RAPGEF5: variants seen among roughly 807,000 people sequenced by gnomAD.
The protein encoded by RAPGEF5 is M-Ras-regulated GEF.
A neutral mutation model predicts 125.2 loss-of-function variants in RAPGEF5; 65 were observed. That is an observed-to-expected ratio of 0.52 (90% CI 0.43 to 0.64). The LOEUF is 0.64. RAPGEF5 is among the 30% of genes least tolerant of loss of function. The pLI, the probability that RAPGEF5 is intolerant of heterozygous loss-of-function variation, is 0.00. For synonymous variants in RAPGEF5, 391 were observed against 385.9 expected, an observed-to-expected ratio of 1.01 and a Z score of -0.16; for missense variants, 958 against 1,048.1, an observed-to-expected ratio of 0.91 and a Z score of 1.19.
intron 1 of RAPGEF5, among the ~76,000 whole-genome samples, chr7:22,323,998 T>C (rs1783765837): frequency 6.6e-6 from 1 of 152,102 alleles, no homozygotes; most frequent in African/African-American, 2.4e-5. Context: ...GACAAACCTA[T>C]GATGAGACAT....
At chr7:22,346,819 A>T (rs918941591) in intron 1 of RAPGEF5, among the ~76,000 whole-genome samples, 1 of 152,200 alleles carries the variant, frequency 6.6e-6, no homozygotes, top group Non-Finnish European at 1.5e-5. Context: ...TATTTTCTCT[A>T]CAGATAATAC....
At chr7:22,200,711 G>A (rs1326204681) in intron 9 of RAPGEF5, among the ~76,000 whole-genome samples, 1 of 152,100 alleles carries the variant, frequency 6.6e-6, no homozygotes, top group Non-Finnish European at 1.5e-5. Flanking sequence ...CTGGCTACTA[G>A]AGAAAAACTG....
intron 3 of RAPGEF5, 57 bp from the exon 4 acceptor site, chr7:22,310,147 AAAC>A: frequency 1.1e-5 from 15 of 1,425,876 alleles, no homozygotes; most frequent in Middle Eastern, 1.8e-4. Flanking sequence ...TTTGCCAAAA[AAAC>A]AAAAATGATA....
At chr7:22,123,450 A>C (rs1782644539) in intron 25 of RAPGEF5, among the ~76,000 whole-genome samples, 2 of 152,232 alleles carry the variant, frequency 1.3e-5, no homozygotes, top group Admixed American at 1.3e-4. Context: ...TGCTTTGTAG[A>C]TTATGCATGG....
chr7:22,241,459 C>A (rs1019973533), intron 7 of RAPGEF5, among the ~76,000 whole-genome samples: 5 of 152,112 alleles, frequency 3.3e-5, no homozygotes, highest in Non-Finnish European at 7.3e-5. Flanking sequence ...TTGCCTTAAC[C>A]CCCATCAAAA....
chr7:22,263,757 A>G (rs531916958), intron 7 of RAPGEF5, among the ~76,000 whole-genome samples: 9 of 151,946 alleles, frequency 5.9e-5, no homozygotes, highest in South Asian at 2.1e-4. Flanking sequence ...AAAAAAAGAA[A>G]AAGAAAAAAG....
intron 7 of RAPGEF5, among the ~76,000 whole-genome samples, chr7:22,260,425 T>G (rs562681886): frequency 2.9e-4 from 43 of 150,566 alleles, no homozygotes; most frequent in African/African-American, 1.0e-3. Flanking sequence ...TCAATTTTGC[T>G]ATGAACCTAA....
chr7:22,287,670 G>T (rs747100751), intron 6 of RAPGEF5, among the ~76,000 whole-genome samples: 4 of 152,106 alleles, frequency 2.6e-5, no homozygotes, highest in Non-Finnish European at 4.4e-5. Flanking sequence ...CAGTAGATGA[G>T]AACTGTTCCC....
intron 7 of RAPGEF5, among the ~76,000 whole-genome samples, chr7:22,252,330 C>T (rs963282785): frequency 6.6e-6 from 1 of 152,206 alleles, no homozygotes. Flanking sequence ...TAGGAACAAG[C>T]TTCCACTTAC....
intron 9 of RAPGEF5, among the ~76,000 whole-genome samples, chr7:22,212,790 G>A (rs532220466): frequency 1.3e-5 from 2 of 152,282 alleles, no homozygotes; most frequent in Admixed American, 1.3e-4. Flanking sequence ...CTTGATGGGG[G>A]TAGAGAAGAA....
chr7:22,229,182 C>T (rs1296607654), intron 8 of RAPGEF5, among the ~76,000 whole-genome samples: 1 of 152,120 alleles, frequency 6.6e-6, no homozygotes, highest in Non-Finnish European at 1.5e-5. Flanking sequence ...CATGTGACAG[C>T]ATTAAAACAG....
intron 6 of RAPGEF5, among the ~76,000 whole-genome samples, chr7:22,289,563 G>A (rs1782882394): frequency 1.3e-5 from 2 of 152,250 alleles, no homozygotes; most frequent in Admixed American, 1.3e-4. Context: ...TTTTTAAACA[G>A]ATGGCTAATT....
intron 22 of RAPGEF5, 96 bp from the exon 23 acceptor site, chr7:22,136,221 AGATATAG>A: frequency 1.2e-6 from 1 of 825,640 alleles, no homozygotes; most frequent in Non-Finnish European, 1.9e-6. Context: ...AACATAACTT[AGATATAG>A]AGAGATTCCT....
At position 22,219,897 on chromosome 7, in the gene RAPGEF5, G is replaced by A. The variant is rs557224504; in HGVS notation, c.965C>T (p.Thr322Met). The change falls in exon 9 of 26, where the codon ACG (threonine) becomes ATG (methionine). Residue 322 changes from threonine to methionine, a missense_variant. Transcript: ENST00000665637. ...AGACTTCTCCTGTTCTTTTTTGTCCGTCTGCAAAAACTGATAGTTTTCTTT... is the reference window on the plus strand; with the variant it reads ...AGACTTCTCCTGTTCTTTTTTGTCCATCTGCAAAAACTGATAGTTTTCTTT... ...LAKENYQFLQ[T>M]DKKEQEKSEH... 22 of 1,612,268 alleles carry A rather than the reference G, an allele frequency of 1.4e-5. No individual in the cohort carries two copies. Among genetic ancestry groups the A allele is most frequent in the South Asian group, 4.4e-5 (4 of 90,796 alleles).
chr7:22,351,548 A>G (rs1784330219), intron 1 of RAPGEF5, among the ~76,000 whole-genome samples: 1 of 152,184 alleles, frequency 6.6e-6, no homozygotes, highest in African/African-American at 2.4e-5. Context: ...CCTCGGGCAA[A>G]TTACACCTGT....
intron 11 of RAPGEF5, among the ~76,000 whole-genome samples, chr7:22,186,358 C>T (rs1784826706): frequency 6.6e-6 from 1 of 152,104 alleles, no homozygotes; most frequent in Non-Finnish European, 1.5e-5. Context: ...TTCTGAACTT[C>T]GTTGCATTTG....
chr7:22,125,849 C>A (rs955856456), intron 24 of RAPGEF5, among the ~76,000 whole-genome samples, 191 bp from the exon 25 acceptor site: 2 of 152,264 alleles, frequency 1.3e-5, no homozygotes, highest in Non-Finnish European at 1.5e-5. Context: ...TCCTTATCTG[C>A]AAAAACAGTA....
chr7:22,299,506 G>A (rs888886908), intron 5 of RAPGEF5, among the ~76,000 whole-genome samples: 3 of 151,768 alleles, frequency 2.0e-5, no homozygotes, highest in African/African-American at 7.3e-5. Context: ...CCTTTCAATA[G>A]TCATATATAT....
chr7:22,271,660 G>A (rs960476723), intron 6 of RAPGEF5, among the ~76,000 whole-genome samples: 2 of 152,134 alleles, frequency 1.3e-5, no homozygotes, highest in African/African-American at 4.8e-5. Context: ...TCTAAATAGA[G>A]GACGATTAAA....
Sources: allele counts gnomAD v4.1 joint callset (sites outside exome capture counted in the v4.1 genomes callset), GRCh38; gene constraint gnomAD v4.1.1; transcripts MANE v1.5; gene names NCBI Gene and HGNC (gene_info 2026-07-23, HGNC 2026-07-21).